The following PCDHGA1 variants were observed in gnomAD, a reference collection of about 807,000 sequenced individuals.
The protein encoded by PCDHGA1 is protocadherin gamma-A1.
In PCDHGA1, 32 loss-of-function variants were observed where a neutral mutation model predicts 58.0. The observed-to-expected ratio is 0.55, with a 90% confidence interval of 0.42 to 0.74. The LOEUF is 0.74. Ranked by LOEUF, PCDHGA1 falls within the 30% of genes least tolerant of loss-of-function variation. The pLI is 0.00. For synonymous variants in PCDHGA1, 498 were observed against 501.1 expected (o/e 0.99, Z 0.08); for missense variants, 1,205 against 1,182.3 (o/e 1.02, Z -0.28).
intron 1 of PCDHGA1, among the ~76,000 whole-genome samples, chr5:141,445,700 A>G (rs2098474731): frequency 6.6e-6 from 1 of 152,216 alleles, no homozygotes; most frequent in Non-Finnish European, 1.5e-5. Flanking sequence ...TAAAAAAGAA[A>G]TTGTCAGGCA....
At position 141,355,808 on chromosome 5, in the gene PCDHGA1, A is replaced by G. The variant is rs533937335; in HGVS notation, c.2421+22703A>G. The stretch of plus-strand genomic sequence containing the variant: ...GTGCTGGAACGCGCTCTAGATCGCG[A>G]GGAAGAGGCGGTTCACCACCTCGTT... On this transcript the variant is annotated intron_variant, in intron 1 of 3. Coordinates refer to ENST00000517417, the MANE Select transcript of PCDHGA1 (RefSeq NM_018912.3). 7 of 1,613,360 alleles carry G rather than the reference A, an allele frequency of 4.3e-6. No homozygotes were observed. The South Asian group carries it at 6.6e-5, about 15-fold the overall frequency.
intron 1 of PCDHGA1, among the ~76,000 whole-genome samples, chr5:141,348,269 T>G (rs1363773182): frequency 6.6e-6 from 1 of 152,162 alleles, no homozygotes; most frequent in East Asian, 1.9e-4. Context: ...ACACAAAAGC[T>G]GTAAGCAGAG....
In PCDHGA1 at chr5:141,432,142, C is replaced by T; in HGVS notation, c.2422-62665C>T. 1 of 1,614,098 alleles carries T rather than the reference C, an allele frequency of 6.2e-7. No individual in the cohort carries two copies. Among genetic ancestry groups the T allele is most frequent in the Non-Finnish European group, 8.5e-7 (1 of 1,180,016 alleles). On this transcript the variant is annotated intron_variant, in intron 1 of 3. Transcript: ENST00000517417. This position sits in a 1 kb window ranked among gnomAD's most constrained non-coding sequence, Gnocchi z 6.0. Reference sequence around the variant, plus strand: ...CTCAGGCCTCCTATTCCGCTTATATCCCAGAGAACAATCCCAGAGGAGTTT... The same window carrying T: ...CTCAGGCCTCCTATTCCGCTTATATTCCAGAGAACAATCCCAGAGGAGTTT...
At chr5:141,371,656 C>A (rs772257649) in intron 1 of PCDHGA1, 4 of 1,613,886 alleles carry the variant, frequency 2.5e-6, no homozygotes, top group East Asian at 2.2e-5. Flanking sequence ...TACAATGTGA[C>A]GATCACAGCT....
chr5:141,332,919 G>A lies in PCDHGA1; in HGVS notation c.2235G>A (p.Gly745=), dbSNP rs752145449. ...MPGSHFVGVD[G]VRAFLQTYSH... ...GTTCGCACTTTGTGGGCGTGGACGG[G>A]GTTCGGGCTTTCCTGCAGACCTATT... The change falls in exon 1 of 4, where the codon GGG becomes GGA. Residue 745 remains glycine, a synonymous_variant. Transcript: ENST00000517417. This position sits in a 1 kb window ranked among gnomAD's most constrained non-coding sequence, Gnocchi z 4.6. 6.2e-7 allele frequency: 1 copy of A among 1,614,218 alleles called. No individual in the cohort carries two copies. Among genetic ancestry groups the A allele is most frequent in the Non-Finnish European group, 8.5e-7 (1 of 1,180,032 alleles).
chr5:141,383,948 C>A, intron 1 of PCDHGA1: 1 of 1,613,600 alleles, frequency 6.2e-7, no homozygotes, highest in South Asian at 1.1e-5. Flanking sequence ...GTGACTATGA[C>A]GTCTTTAAGT....
chr5:141,331,342 C>T lies in PCDHGA1; in HGVS notation c.658C>T (p.Pro220Ser). 1.2e-6 allele frequency: 2 copies of T among 1,614,184 alleles called. No homozygotes were observed. The highest frequency in any genetic ancestry group is 1.7e-6 in the Non-Finnish European group (2 of 1,180,042). The part of the protein sequence containing the change: ...LILTASDGGE[P>S]VRSGTLRIYI... ...CCTCACAGCTTCTGATGGGGGTGAA[C>T]CAGTCCGTTCAGGGACCCTCAGAAT... Residue 220 changes from proline to serine, a missense_variant, in exon 1 of 4, where the codon CCA becomes TCA. Pro to Ser is a moderately conservative substitution (Grantham distance 74). Transcript: ENST00000517417.
intron 1 of PCDHGA1, chr5:141,349,963 G>T: frequency 3.8e-6 from 1 of 263,892 alleles, no homozygotes; most frequent in Non-Finnish European, 7.1e-6. Context: ...TAAAGACAGG[G>T]TACATAGATT....
At chr5:141,505,348 G>A (rs1414647950) in intron 2 of PCDHGA1, 45 bp from the exon 3 acceptor site, 1 of 1,613,358 alleles carries the variant, frequency 6.2e-7, no homozygotes, top group Admixed American at 1.7e-5. Context: ...GGCATGAGCT[G>A]TGCCGGCCTG....
intron 1 of PCDHGA1, among the ~76,000 whole-genome samples, chr5:141,397,112 A>G (rs2093474994): frequency 6.6e-6 from 1 of 152,258 alleles, no homozygotes; most frequent in African/African-American, 2.4e-5. Flanking sequence ...GCAATCCACT[A>G]GAATATCCCT....
intron 1 of PCDHGA1, chr5:141,382,906 G>A (rs1778564792): frequency 6.5e-7 from 1 of 1,544,848 alleles, no homozygotes; most frequent in Non-Finnish European, 8.7e-7. Context: ...GACTATGGCG[G>A]CTCAGCCGAG....
rs760747309 is a variant in PCDHGA1, at chr5:141,477,613, A to G, written c.2422-17194A>G. 1.2e-6 allele frequency: 2 copies of G among 1,614,210 alleles called. No individual in the cohort carries two copies. Among genetic ancestry groups the G allele is most frequent in the Non-Finnish European group, 8.5e-7 (1 of 1,180,044 alleles). ...GGCTTTCTTTCTTTCTCTTGGAGCA[A>G]GGAGCTGAAACCGGGCTAGTGGGTC... On this transcript the variant is annotated intron_variant, in intron 1 of 3. Coordinates refer to ENST00000517417, the MANE Select transcript of PCDHGA1 (RefSeq NM_018912.3). This position sits in a 1 kb window ranked among gnomAD's most constrained non-coding sequence, Gnocchi z 4.9.
intron 1 of PCDHGA1, among the ~76,000 whole-genome samples, chr5:141,482,755 T>TGAAGTGGGAGAATTGCTTGAGCCTGGG (rs1554165462): frequency 6.3e-5 from 9 of 143,570 alleles, no homozygotes; most frequent in African/African-American, 1.4e-4. Context: ...GGGATTATGG[T>TGAAGTGGGAGAATTGCTTGAGCCTGGG]ATTTCATTAT....
intron 1 of PCDHGA1, among the ~76,000 whole-genome samples, chr5:141,380,254 G>T (rs572849105): frequency 6.6e-6 from 1 of 152,270 alleles, no homozygotes; most frequent in Non-Finnish European, 1.5e-5. Flanking sequence ...TGTCAAAGGG[G>T]AAGGAGTAAA....
At chr5:141,350,309 C>G in intron 1 of PCDHGA1, 1 of 1,522,304 alleles carries the variant, frequency 6.6e-7, no homozygotes, top group Non-Finnish European at 8.8e-7. Flanking sequence ...GGTACTGTTT[C>G]CCTTCCTGCT....
intron 1 of PCDHGA1, chr5:141,362,256 G>A (rs775272258): frequency 6.2e-7 from 1 of 1,614,020 alleles, no homozygotes; most frequent in Non-Finnish European, 8.5e-7. Flanking sequence ...TCCTCGCGGT[G>A]ATTCTGGCAA....
intron 1 of PCDHGA1, chr5:141,428,257 G>T: frequency 1.2e-6 from 1 of 865,866 alleles, no homozygotes; most frequent in South Asian, 1.4e-5. Context: ...AGACTTCAGT[G>T]ACAGTCCTGT....
intron 1 of PCDHGA1, among the ~76,000 whole-genome samples, chr5:141,456,707 G>A (rs1198079338): frequency 6.6e-6 from 1 of 152,208 alleles, no homozygotes; most frequent in African/African-American, 2.4e-5. Context: ...GCTCGCGCCT[G>A]TAATCCCAGC....
intron 1 of PCDHGA1, chr5:141,352,622 A>G (rs1759061031): frequency 1.2e-6 from 2 of 1,612,412 alleles, no homozygotes; most frequent in Admixed American, 1.7e-5. Context: ...TGTATGTGCC[A>G]GTAATGAAGA....
Sources: gnomAD v4.1 joint callset for allele counts (sites outside exome capture counted in the v4.1 genomes callset) on GRCh38, gnomAD v4.1.1 for gene constraint, Gnocchi (gnomAD v3.1) non-coding constraint, MANE v1.5 for transcripts, NCBI Gene and HGNC (gene_info 2026-07-23, HGNC 2026-07-21) for gene names.